TLE4: variants seen among roughly 807,000 people sequenced by gnomAD.
TLE4 encodes TLE family member 4, transcriptional corepressor.
A neutral mutation model predicts 92.8 loss-of-function variants in TLE4; 8 were observed. That is an observed-to-expected ratio of 0.09 (90% CI 0.05 to 0.16). The LOEUF is 0.16. TLE4 is among the 10% of genes least tolerant of loss of function. The probability of loss-of-function intolerance (pLI) is 1.00; values close to 1 mark genes in which losing one functional copy is unlikely to be tolerated. For synonymous variants in TLE4, 371 were observed against 374.1 expected, an observed-to-expected ratio of 0.99 and a Z score of 0.10; for missense variants, 675 against 997.6, an observed-to-expected ratio of 0.68 and a Z score of 4.36.
intron 5 of TLE4, among the ~76,000 whole-genome samples, chr9:79,626,656 A>G (rs945558562): frequency 6.6e-6 from 1 of 152,146 alleles, no homozygotes; most frequent in African/African-American, 2.4e-5. Flanking sequence ...ATCAGTTCTT[A>G]CTTATTCTCA....
chr9:79,698,346 TC>T (rs1490206446), intron 8 of TLE4, among the ~76,000 whole-genome samples: 1 of 152,208 alleles, frequency 6.6e-6, no homozygotes, highest in Non-Finnish European at 1.5e-5. Context: ...TTTACCTTGA[TC>T]CAGGTTTCTC....
At chr9:79,573,185 C>T (rs2036381447) in intron 1 of TLE4, 1 of 963,096 alleles carries the variant, frequency 1.0e-6, no homozygotes, top group Middle Eastern at 4.7e-4. Flanking sequence ...GCGCCCTCGG[C>T]AGCGGCGCTG....
intron 8 of TLE4, 52 bp from the exon 9 acceptor site, chr9:79,704,731 G>A (rs1399153406): frequency 8.2e-6 from 13 of 1,577,772 alleles, no homozygotes; most frequent in Middle Eastern, 1.7e-4. Flanking sequence ...AAAATCACTC[G>A]GCTAAATAGA....
chr9:79,609,360 CTGAGA>C (rs1328987375), intron 4 of TLE4, among the ~76,000 whole-genome samples: 1 of 152,020 alleles, frequency 6.6e-6, no homozygotes, highest in African/African-American at 2.4e-5. Flanking sequence ...TTACATTTTT[CTGAGA>C]TATTTTATCC....
At chr9:79,606,187 G>GTTGTTTTTTTTT (rs2046834923) in intron 4 of TLE4, among the ~76,000 whole-genome samples, 3 of 28,674 alleles carry the variant, frequency 1.0e-4, no homozygotes, top group Non-Finnish European at 1.3e-4. Flanking sequence ...AGTAGTAGTT[G>GTTGTTTTTTTTT]TTTTTTTTTT....
chr9:79,587,379 A>G (rs1381857463), intron 4 of TLE4, among the ~76,000 whole-genome samples: 4 of 152,188 alleles, frequency 2.6e-5, no homozygotes, highest in Admixed American at 2.6e-4. Flanking sequence ...TGAGCTGCTG[A>G]TTGGCATTTT....
intron 6 of TLE4, among the ~76,000 whole-genome samples, chr9:79,651,897 T>A (rs900885847): frequency 7.9e-5 from 12 of 152,334 alleles, no homozygotes; most frequent in African/African-American, 2.9e-4. Flanking sequence ...CTTTAACAGT[T>A]ACTCACGTAT....
intron 6 of TLE4, among the ~76,000 whole-genome samples, chr9:79,644,672 G>A (rs1042931053): frequency 4.6e-5 from 7 of 152,222 alleles, no homozygotes; most frequent in African/African-American, 1.7e-4. Flanking sequence ...ATAGTAAATA[G>A]TGTCTTCACA....
At chr9:79,656,748 C>T (rs527584953) in intron 8 of TLE4, among the ~76,000 whole-genome samples, 2 of 152,106 alleles carry the variant, frequency 1.3e-5, no homozygotes, top group Non-Finnish European at 2.9e-5. Context: ...GTTTTCTTGA[C>T]GTTACAGATT....
chr9:79,719,077 T>C, intron 15 of TLE4, 106 bp downstream of exon 15: 1 of 1,468,538 alleles, frequency 6.8e-7, no homozygotes, highest in Middle Eastern at 2.2e-4. Flanking sequence ...TGATCCCAGG[T>C]GGATAGTTGC....
chr9:79,613,913 A>T (rs1162524674), intron 5 of TLE4, among the ~76,000 whole-genome samples: 1 of 152,140 alleles, frequency 6.6e-6, no homozygotes, highest in Non-Finnish European at 1.5e-5. Flanking sequence ...CTCTGAATTC[A>T]CATGCTCTTT....
chr9:79,648,540 G>A (rs1195696044), intron 6 of TLE4, among the ~76,000 whole-genome samples: 1 of 152,134 alleles, frequency 6.6e-6, no homozygotes, highest in Non-Finnish European at 1.5e-5. Flanking sequence ...TCTAAAAGGT[G>A]CAGAAGGATA....
intron 4 of TLE4, among the ~76,000 whole-genome samples, chr9:79,606,600 C>T (rs979333591): frequency 1.3e-4 from 20 of 151,878 alleles, no homozygotes; most frequent in Admixed American, 1.3e-3. Context: ...TTGTTCAGTT[C>T]CCACCTATGA....
intron 8 of TLE4, among the ~76,000 whole-genome samples, chr9:79,679,382 A>AT (rs1203172303): frequency 6.6e-6 from 1 of 152,036 alleles, no homozygotes; most frequent in African/African-American, 2.4e-5. Flanking sequence ...GATGATGAGC[A>AT]TTTTTTCATG....
intron 4 of TLE4, among the ~76,000 whole-genome samples, chr9:79,602,864 A>T (rs1326743393): frequency 6.6e-6 from 1 of 152,146 alleles, no homozygotes; most frequent in Non-Finnish European, 1.5e-5. Flanking sequence ...TCTGGAAAGG[A>T]TTAGCCATTC....
chr9:79,600,427 A>G (rs1431471024), intron 4 of TLE4, among the ~76,000 whole-genome samples: 1 of 152,164 alleles, frequency 6.6e-6, no homozygotes, highest in African/African-American at 2.4e-5. Flanking sequence ...AACTTGAGTG[A>G]GGAATCAGTG....
intron 8 of TLE4, among the ~76,000 whole-genome samples, chr9:79,678,919 G>A (rs1322954966): frequency 6.6e-6 from 1 of 151,956 alleles, no homozygotes; most frequent in Admixed American, 6.6e-5. Flanking sequence ...ATGATTTCCA[G>A]TTTCATCCAT....
chr9:79,706,584 G>C (rs1157450376), intron 10 of TLE4, among the ~76,000 whole-genome samples, 163 bp from the exon 11 acceptor site: 1 of 151,914 alleles, frequency 6.6e-6, no homozygotes, highest in Non-Finnish European at 1.5e-5. Context: ...CCTCAATACT[G>C]AATATTTTCG....
chr9:79,665,695 G>A (rs7468417), intron 8 of TLE4, among the ~76,000 whole-genome samples: 134,516 of 152,282 alleles, frequency 0.88, 59,398 homozygotes, highest in Admixed American at 0.89. Context: ...TGTAGGAATC[G>A]GCAAAACAAT....
Sources: allele counts gnomAD v4.1 joint callset (sites outside exome capture counted in the v4.1 genomes callset), GRCh38; gene constraint gnomAD v4.1.1; transcripts MANE v1.5; gene names NCBI Gene and HGNC (gene_info 2026-07-23, HGNC 2026-07-21).